Variants in ERBB4 observed in about 807,000 individuals in gnomAD.
ERBB4 encodes the protein receptor tyrosine-protein kinase erbB-4.
ERBB4 carries 42 observed loss-of-function variants against 158.0 expected under a neutral mutation model. The ratio of observed to expected loss-of-function variants is 0.27; its 90% CI spans 0.21 to 0.34. The LOEUF (loss-of-function observed/expected upper bound fraction) is 0.34, where lower values mean the gene tolerates loss of function less well. Ranked by LOEUF, ERBB4 falls within the 10% of genes least tolerant of loss-of-function variation. The probability of loss-of-function intolerance (pLI) is 1.00; values close to 1 mark genes in which losing one functional copy is unlikely to be tolerated. For missense variants in ERBB4, 1,333 were observed against 1,624.1 expected, an observed-to-expected ratio of 0.82 and a Z score of 3.08; for synonymous variants, 583 against 558.7, an observed-to-expected ratio of 1.04 and a Z score of -0.61.
chr2:211,971,978 C>T (rs1047999340), intron 2 of ERBB4, among the ~76,000 whole-genome samples: 4 of 152,166 alleles, frequency 2.6e-5, no homozygotes, highest in Admixed American at 1.3e-4. Flanking sequence ...CAAACTACCC[C>T]TGTTTGTGGA....
At chr2:211,483,847 G>A (rs1488938369) in intron 20 of ERBB4, among the ~76,000 whole-genome samples, 2 of 151,958 alleles carry the variant, frequency 1.3e-5, no homozygotes, top group East Asian at 1.9e-4. Context: ...CACCGTGCCC[G>A]GCCAAGAATG....
chr2:211,992,304 A>G (rs967158494), intron 2 of ERBB4, among the ~76,000 whole-genome samples: 7 of 152,140 alleles, frequency 4.6e-5, no homozygotes, highest in African/African-American at 1.4e-4. Flanking sequence ...GGCAGCAGCA[A>G]GAGTAAATGA....
intron 2 of ERBB4, among the ~76,000 whole-genome samples, chr2:212,106,091 T>C (rs769256848): frequency 7.2e-5 from 11 of 152,102 alleles, no homozygotes; most frequent in Non-Finnish European, 1.6e-4. Flanking sequence ...CTGGTACCAG[T>C]AGAGTGGGGC....
intron 19 of ERBB4, among the ~76,000 whole-genome samples, chr2:211,585,341 G>A (rs1186044449): frequency 1.0e-5 from 1 of 99,712 alleles, no homozygotes; most frequent in Non-Finnish European, 1.9e-5. Flanking sequence ...GAGAGAGCGA[G>A]ACTCCGTCTC....
At chr2:212,404,960 T>C (rs996143542) in intron 1 of ERBB4, among the ~76,000 whole-genome samples, 1 of 152,078 alleles carries the variant, frequency 6.6e-6, no homozygotes, top group Admixed American at 6.6e-5. Flanking sequence ...GCTCCATCCA[T>C]GTCCCCACAA....
At chr2:211,800,585 T>G (rs2076476898) in intron 3 of ERBB4, among the ~76,000 whole-genome samples, 1 of 152,076 alleles carries the variant, frequency 6.6e-6, no homozygotes, top group South Asian at 2.1e-4. Context: ...GAAGTCCTTT[T>G]TGAAAATATT....
chr2:211,785,602 C>T (rs1329959373), intron 4 of ERBB4, among the ~76,000 whole-genome samples: 1 of 152,060 alleles, frequency 6.6e-6, no homozygotes, highest in African/African-American at 2.4e-5. Flanking sequence ...TTGAACATGG[C>T]ATATGATGAG....
intron 3 of ERBB4, among the ~76,000 whole-genome samples, chr2:211,885,703 G>T (rs2078781042): frequency 6.6e-6 from 1 of 152,062 alleles, no homozygotes; most frequent in African/African-American, 2.4e-5. Flanking sequence ...CAGGTAATCT[G>T]CCCGCCTTGG....
At chr2:212,377,198 A>AATAT (rs142598921) in intron 1 of ERBB4, among the ~76,000 whole-genome samples, 14 of 146,846 alleles carry the variant, frequency 9.5e-5, no homozygotes, top group African/African-American at 1.2e-4. Flanking sequence ...GTTCCTGGCA[A>AATAT]ATATATATAT....
At chr2:212,511,854 T>C (rs1691538813) in intron 1 of ERBB4, among the ~76,000 whole-genome samples, 1 of 149,958 alleles carries the variant, frequency 6.7e-6, no homozygotes, top group Non-Finnish European at 1.5e-5. Context: ...GAAGAATCCA[T>C]TTTGCCTTTT....
At chr2:211,845,709 A>C (rs937007731) in intron 3 of ERBB4, among the ~76,000 whole-genome samples, 2 of 151,986 alleles carry the variant, frequency 1.3e-5, no homozygotes, top group Admixed American at 1.3e-4. Context: ...AAAAAAGAAG[A>C]CTCTGTATTT....
At chr2:211,396,564 A>T (rs979370209) in intron 25 of ERBB4, among the ~76,000 whole-genome samples, 2 of 152,180 alleles carry the variant, frequency 1.3e-5, no homozygotes, top group African/African-American at 4.8e-5. Context: ...AGAGCAATCT[A>T]TGTGTGAGAA....
At chr2:211,548,140 C>T (rs911352928) in intron 20 of ERBB4, among the ~76,000 whole-genome samples, 11 of 151,986 alleles carry the variant, frequency 7.2e-5, no homozygotes, top group Non-Finnish European at 5.9e-5. Context: ...TCTCTTACCC[C>T]TTACTACCCT....
chr2:212,133,649 A>G (rs79478553), intron 1 of ERBB4, among the ~76,000 whole-genome samples: 1 of 145,598 alleles, frequency 6.9e-6, no homozygotes, highest in Non-Finnish European at 1.5e-5. Context: ...ACTAGAATGA[A>G]AAAAAAAAAA....
At chr2:211,988,172 C>G (rs1204654918) in intron 2 of ERBB4, among the ~76,000 whole-genome samples, 1 of 152,084 alleles carries the variant, frequency 6.6e-6, no homozygotes, top group Non-Finnish European at 1.5e-5. Context: ...TAATTAATGT[C>G]AGTTAGCTAT....
At chr2:211,703,944 C>CA (rs2073344735) in intron 11 of ERBB4, among the ~76,000 whole-genome samples, 160 bp downstream of exon 11, 1 of 152,172 alleles carries the variant, frequency 6.6e-6, no homozygotes, top group African/African-American at 2.4e-5. Context: ...CTCACACCAT[C>CA]ATCGGAGGTA....
At chr2:211,783,320 C>T (rs2076080070) in intron 4 of ERBB4, among the ~76,000 whole-genome samples, 1 of 152,200 alleles carries the variant, frequency 6.6e-6, no homozygotes, top group South Asian at 2.1e-4. Context: ...GCAAACGGGA[C>T]AATTAGACTT....
chr2:212,417,818 A>T (rs1169711329), intron 1 of ERBB4, among the ~76,000 whole-genome samples: 1 of 151,950 alleles, frequency 6.6e-6, no homozygotes, highest in Admixed American at 6.6e-5. Flanking sequence ...TTAAATCAGT[A>T]TTCCTTTTCA....
intron 2 of ERBB4, among the ~76,000 whole-genome samples, chr2:212,076,169 G>A (rs2078268038): frequency 6.6e-6 from 1 of 151,490 alleles, no homozygotes; most frequent in Admixed American, 6.6e-5. Context: ...TATTTCTGAG[G>A]GACTGTATTA....
Sources: allele counts gnomAD v4.1 joint callset (sites outside exome capture counted in the v4.1 genomes callset), GRCh38; gene constraint gnomAD v4.1.1; transcripts MANE v1.5; gene names NCBI Gene and HGNC (gene_info 2026-07-23, HGNC 2026-07-21).